The following TMEM200A variants were observed in gnomAD, a reference collection of about 807,000 sequenced individuals.
The protein encoded by TMEM200A is transmembrane protein 200A, also known as two transmembrane C.
TMEM200A carries 12 observed loss-of-function variants against 24.3 expected under a neutral mutation model. The observed-to-expected ratio is 0.49, with a 90% CI of 0.32 to 0.80. TMEM200A has a LOEUF of 0.80. Among genes scored for constraint, TMEM200A ranks in the 30% least tolerant of loss-of-function variants. The pLI is 0.04. For synonymous variants in TMEM200A, 224 were observed against 224.4 expected (o/e 1.00, Z 0.02); for missense variants, 545 against 614.4 (o/e 0.89, Z 1.19).
chr6:130,387,832 T>C (rs1464062783), intron 2 of TMEM200A, among the ~76,000 whole-genome samples: 1 of 152,216 alleles, frequency 6.6e-6, no homozygotes, highest in Non-Finnish European at 1.5e-5. Context: ...ACTTGAGTGG[T>C]TTAGAGCCCT....
At chr6:130,374,412 GTTTTT>G (rs1778395828) in intron 1 of TMEM200A, among the ~76,000 whole-genome samples, 1 of 148,400 alleles carries the variant, frequency 6.7e-6, no homozygotes, top group African/African-American at 2.5e-5. Flanking sequence ...TTTTGTTTTT[GTTTTT>G]GTTTTTTTTT....
intron 2 of TMEM200A, among the ~76,000 whole-genome samples, chr6:130,414,878 A>G (rs914214358): frequency 6.6e-6 from 1 of 152,146 alleles, no homozygotes; most frequent in African/African-American, 2.4e-5. Context: ...GCAAATACAT[A>G]TGTATGGTTT....
At chr6:130,392,038 C>T (rs571545647) in intron 2 of TMEM200A, among the ~76,000 whole-genome samples, 27 of 152,228 alleles carry the variant, frequency 1.8e-4, no homozygotes, top group African/African-American at 6.3e-4. Context: ...CCACCACACA[C>T]GGCCAAGATT....
intron 2 of TMEM200A, among the ~76,000 whole-genome samples, chr6:130,394,063 A>G (rs1778895698): frequency 6.6e-6 from 1 of 152,106 alleles, no homozygotes. Context: ...TCACATCCCT[A>G]GTTGTATTTA....
chr6:130,391,136 C>T (rs756039002), intron 2 of TMEM200A, among the ~76,000 whole-genome samples: 4 of 151,924 alleles, frequency 2.6e-5, no homozygotes, highest in Non-Finnish European at 4.4e-5. Context: ...CTGCCAGCCC[C>T]TAGAGGGTAG....
intron 2 of TMEM200A, among the ~76,000 whole-genome samples, chr6:130,401,581 G>A (rs1779088677): frequency 6.7e-6 from 1 of 150,332 alleles, no homozygotes; most frequent in African/African-American, 2.4e-5. Context: ...AGGTATCCTT[G>A]TACATATATT....
intron 2 of TMEM200A, among the ~76,000 whole-genome samples, chr6:130,400,781 G>A (rs1779066744): frequency 6.6e-6 from 1 of 151,968 alleles, no homozygotes; most frequent in Admixed American, 6.6e-5. Context: ...GCCAGTGACT[G>A]AAGTTTTCTT....
At chr6:130,437,756 G>A (rs1017381096) in intron 2 of TMEM200A, 2 of 151,368 alleles carry the variant, frequency 1.3e-5, no homozygotes, top group South Asian at 2.1e-4. Context: ...TCTTCCTAAC[G>A]TTTCTTTACA....
In TMEM200A at chr6:130,430,591, G is replaced by A. The variant is rs75862124; in HGVS notation, c.-16-9816G>A. Among the ~76,000 whole-genome samples, 640 of 151,860 alleles carry A rather than the reference G, an allele frequency of 4.2e-3. 7 individuals are homozygous for A. The highest frequency in any genetic ancestry group is 0.014 in the African/African-American group (592 of 41,414). ...ACCATCTTCCTTTTTTTTCTAATACGTTTACCATTAAGGTTTCATCCATGG... is the reference window on the plus strand; with the variant it reads ...ACCATCTTCCTTTTTTTTCTAATACATTTACCATTAAGGTTTCATCCATGG... On this transcript the variant is annotated intron_variant, in intron 2 of 2. Transcript: ENST00000296978.
At chr6:130,379,043 C>A (rs1485697204) in intron 1 of TMEM200A, among the ~76,000 whole-genome samples, 3 of 152,174 alleles carry the variant, frequency 2.0e-5, no homozygotes, top group Non-Finnish European at 4.4e-5. Context: ...AACTAACCCA[C>A]TCCTTCCATA....
chr6:130,426,700 G>A (rs1779752980), intron 2 of TMEM200A, among the ~76,000 whole-genome samples: 1 of 152,182 alleles, frequency 6.6e-6, no homozygotes, highest in Non-Finnish European at 1.5e-5. Context: ...AAGAAAGAAA[G>A]CCATGTCCCT....
chr6:130,381,970 G>A (rs1302836618), intron 1 of TMEM200A: 3 of 985,210 alleles, frequency 3.0e-6, no homozygotes, highest in Admixed American at 6.1e-5. Context: ...TGGCTGCCTT[G>A]CTGAAGTGGC....
At chr6:130,396,951 T>C (rs899178259) in intron 2 of TMEM200A, among the ~76,000 whole-genome samples, 67 of 152,208 alleles carry the variant, frequency 4.4e-4, no homozygotes, top group African/African-American at 1.6e-3. Flanking sequence ...ATACTTTTAC[T>C]TTCTGTTTGT....
chr6:130,386,497 T>A (rs1488951912), intron 2 of TMEM200A, among the ~76,000 whole-genome samples: 1 of 152,178 alleles, frequency 6.6e-6, no homozygotes, highest in Non-Finnish European at 1.5e-5. Flanking sequence ...AAATTGATGA[T>A]CTTTTTAGAC....
chr6:130,369,920 C>T (rs888276774), intron 1 of TMEM200A, among the ~76,000 whole-genome samples: 9 of 152,162 alleles, frequency 5.9e-5, no homozygotes, highest in African/African-American at 2.2e-4. Context: ...GTGTTCACCA[C>T]CCCACTTTGT....
In TMEM200A at chr6:130,393,630, G is replaced by A. The variant is rs369333660; in HGVS notation, c.-17+8394G>A. 1.6e-4 allele frequency among the ~76,000 whole-genome samples: 24 copies of A among 152,316 alleles called. No individual in the cohort carries two copies. In the East Asian group the frequency reaches 4.2e-3, roughly 27 times the overall value. On this transcript the variant is annotated intron_variant, in intron 2 of 2. Transcript: ENST00000296978. Reference sequence around the variant, plus strand: ...TAGTGTTTTGTCATTTTCTGTGTAAGCATAATTTGTAAATTAGTTTGCTGC... The same window carrying A: ...TAGTGTTTTGTCATTTTCTGTGTAAACATAATTTGTAAATTAGTTTGCTGC...
At chr6:130,425,410 T>A (rs766743810) in intron 2 of TMEM200A, among the ~76,000 whole-genome samples, 5 of 152,194 alleles carry the variant, frequency 3.3e-5, no homozygotes, top group Non-Finnish European at 7.3e-5. Flanking sequence ...GAATTAAGAA[T>A]GCTATTTGAT....
chr6:130,372,472 G>A (rs1053627634), intron 1 of TMEM200A, among the ~76,000 whole-genome samples: 2 of 152,058 alleles, frequency 1.3e-5, no homozygotes, highest in African/African-American at 2.4e-5. Context: ...TCAAGAGAAG[G>A]GACCTCTGCC....
chr6:130,433,617 T>C (rs772748791), intron 2 of TMEM200A, among the ~76,000 whole-genome samples: 16 of 152,176 alleles, frequency 1.1e-4, no homozygotes, highest in Non-Finnish European at 1.9e-4. Flanking sequence ...GAACAGAAAA[T>C]ATTTCCATCT....
Sources: allele counts gnomAD v4.1 joint callset (sites outside exome capture counted in the v4.1 genomes callset), GRCh38; gene constraint gnomAD v4.1.1; transcripts MANE v1.5; gene names NCBI Gene and HGNC (gene_info 2026-07-23, HGNC 2026-07-21).